WDPCP: variants seen among roughly 807,000 people sequenced by gnomAD.
WDPCP encodes WD repeat-containing and planar cell polarity effector protein fritz homolog.
In WDPCP, 71 loss-of-function variants were observed where a neutral mutation model predicts 93.1. The ratio of observed to expected loss-of-function variants is 0.76; its 90% CI spans 0.63 to 0.93. The LOEUF (loss-of-function observed/expected upper bound fraction) is 0.93, where lower values mean the gene tolerates loss of function less well. WDPCP is among the 40% of genes least tolerant of loss of function. The pLI, the probability that WDPCP is intolerant of heterozygous loss-of-function variation, is 0.00. For synonymous variants in WDPCP, 315 were observed against 315.0 expected, an observed-to-expected ratio of 1.00 and a Z score of 0.00; for missense variants, 844 against 887.4, an observed-to-expected ratio of 0.95 and a Z score of 0.62.
chr2:63,139,170 T>TACACACACACACACAC (rs143596446), intron 17 of WDPCP, among the ~76,000 whole-genome samples: 9 of 149,238 alleles, frequency 6.0e-5, no homozygotes, highest in Admixed American at 2.0e-4. Context: ...TATATGTGTA[T>TACACACACACACACAC]ACACACACAC....
At chr2:63,585,977 A>C (rs955960455) in intron 1 of WDPCP, among the ~76,000 whole-genome samples, 5 of 151,836 alleles carry the variant, frequency 3.3e-5, no homozygotes, top group Non-Finnish European at 5.9e-5. Context: ...CAGGTGCACA[A>C]CACCACACTC....
chr2:63,750,349 A>G (rs1276450593), intron 2 of WDPCP, among the ~76,000 whole-genome samples: 1 of 152,124 alleles, frequency 6.6e-6, no homozygotes, highest in African/African-American at 2.4e-5. Context: ...TCAGAAGGCA[A>G]GCCTATCTAA....
intron 14 of WDPCP, among the ~76,000 whole-genome samples, chr2:63,208,283 G>T (rs761802318): frequency 2.0e-5 from 3 of 151,994 alleles, no homozygotes; most frequent in African/African-American, 4.8e-5. Context: ...CTTTGTTCTT[G>T]TTCATTTTTA....
intron 14 of WDPCP, among the ~76,000 whole-genome samples, chr2:63,215,914 C>T (rs1216784742): frequency 1.3e-5 from 2 of 152,182 alleles, no homozygotes; most frequent in Non-Finnish European, 2.9e-5. Flanking sequence ...ACAGACATTT[C>T]TCAAAAGAAG....
chr2:63,381,285 A>C (rs1431544802), intron 11 of WDPCP, among the ~76,000 whole-genome samples: 2 of 152,046 alleles, frequency 1.3e-5, no homozygotes, highest in African/African-American at 4.8e-5. Flanking sequence ...CCCTGACCTT[A>C]GTTTTTTTAC....
At chr2:63,439,144 A>G (rs1697333490) in intron 7 of WDPCP, among the ~76,000 whole-genome samples, 1 of 152,180 alleles carries the variant, frequency 6.6e-6, no homozygotes, top group South Asian at 2.1e-4. Context: ...CCCAGCATAT[A>G]GAGCCTTTTG....
At chr2:63,375,471 T>C (rs1208932139) in intron 12 of WDPCP, among the ~76,000 whole-genome samples, 2 of 151,958 alleles carry the variant, frequency 1.3e-5, no homozygotes, top group African/African-American at 4.8e-5. Flanking sequence ...TGTTTTCCTA[T>C]CTTTAACGTT....
At chr2:63,198,210 C>T (rs1675603681) in intron 14 of WDPCP, among the ~76,000 whole-genome samples, 1 of 152,158 alleles carries the variant, frequency 6.6e-6, no homozygotes, top group East Asian at 1.9e-4. Flanking sequence ...TTCATCTTTT[C>T]TCCACTGATT....
chr2:63,458,394 A>G (rs745573667), intron 6 of WDPCP, among the ~76,000 whole-genome samples: 1 of 152,174 alleles, frequency 6.6e-6, no homozygotes, highest in Non-Finnish European at 1.5e-5. Flanking sequence ...ATCAACATAT[A>G]AAAATCAGTA....
intron 12 of WDPCP, among the ~76,000 whole-genome samples, chr2:63,358,319 T>A (rs1037584675): frequency 3.3e-5 from 5 of 152,188 alleles, no homozygotes; most frequent in African/African-American, 4.8e-5. Flanking sequence ...GTTTTTTTTT[T>A]AACTAGCACT....
chr2:63,777,171 A>G (rs930846131), intron 2 of WDPCP, among the ~76,000 whole-genome samples: 28 of 152,216 alleles, frequency 1.8e-4, no homozygotes, highest in Non-Finnish European at 5.9e-5. Flanking sequence ...GAAATATCAT[A>G]TTGTACTCCA....
intron 15 of WDPCP, among the ~76,000 whole-genome samples, chr2:63,157,990 T>C (rs1203746469): frequency 2.6e-5 from 4 of 152,062 alleles, no homozygotes; most frequent in Non-Finnish European, 4.4e-5. Flanking sequence ...CATATAAGCA[T>C]TTAATTGAGT....
At chr2:63,581,786 C>G (rs888457512) in intron 1 of WDPCP, among the ~76,000 whole-genome samples, 1 of 151,982 alleles carries the variant, frequency 6.6e-6, no homozygotes, top group Non-Finnish European at 1.5e-5. Flanking sequence ...ACGGGTGGAT[C>G]GTTTGAGTCC....
chr2:63,276,400 A>C (rs1286218058), intron 13 of WDPCP, among the ~76,000 whole-genome samples: 1 of 152,236 alleles, frequency 6.6e-6, no homozygotes, highest in Non-Finnish European at 1.5e-5. Flanking sequence ...CAGAAAAAGA[A>C]TTCAGAAGGT....
At chr2:63,701,050 G>T (rs1249267710) in intron 2 of WDPCP, among the ~76,000 whole-genome samples, 3 of 152,066 alleles carry the variant, frequency 2.0e-5, no homozygotes, top group Admixed American at 6.6e-5. Flanking sequence ...AGCAAAGGAG[G>T]CAACAAGGTA....
At chr2:63,323,569 C>A (rs1214103993) in intron 12 of WDPCP, among the ~76,000 whole-genome samples, 2 of 152,110 alleles carry the variant, frequency 1.3e-5, no homozygotes, top group Non-Finnish European at 2.9e-5. Flanking sequence ...CCCTGGACAT[C>A]CCTTCCCTCC....
chr2:63,432,916 T>C (rs989211258), intron 9 of WDPCP, among the ~76,000 whole-genome samples: 2 of 152,200 alleles, frequency 1.3e-5, no homozygotes, highest in Non-Finnish European at 2.9e-5. Flanking sequence ...GTATTCATCT[T>C]ATCTCGAATA....
intron 2 of WDPCP, among the ~76,000 whole-genome samples, chr2:63,681,745 C>T (rs1710492647): frequency 6.6e-6 from 1 of 152,196 alleles, no homozygotes; most frequent in Non-Finnish European, 1.5e-5. Flanking sequence ...CAATACTATG[C>T]TGGCTTCTAG....
At chr2:63,717,572 A>T in intron 2 of WDPCP, 1 of 520,160 alleles carries the variant, frequency 1.9e-6, no homozygotes, top group Non-Finnish European at 3.9e-6. Context: ...AGGAAGACTG[A>T]TTCATGGTAT....
Sources: gnomAD v4.1 joint callset for allele counts (sites outside exome capture counted in the v4.1 genomes callset) on GRCh38, gnomAD v4.1.1 for gene constraint, MANE v1.5 for transcripts, NCBI Gene and HGNC (gene_info 2026-07-23, HGNC 2026-07-21) for gene names.